Variants in MIPOL1 observed in about 807,000 individuals in gnomAD.
MIPOL1 encodes mirror-image polydactyly 1.
Under a neutral mutation model 60.9 loss-of-function variants are expected in MIPOL1, and 57 were observed. The observed-to-expected ratio is 0.94, with a 90% CI of 0.76 to 1.17. The LOEUF (loss-of-function observed/expected upper bound fraction) is 1.17, where lower values mean the gene tolerates loss of function less well. MIPOL1 is among the 50% of genes most tolerant of loss of function. MIPOL1 has a pLI of 0.00. For missense variants in MIPOL1, 551 were observed against 511.6 expected, an observed-to-expected ratio of 1.08 and a Z score of -0.74; for synonymous variants, 179 against 168.8, an observed-to-expected ratio of 1.06 and a Z score of -0.47.
intron 6 of MIPOL1, among the ~76,000 whole-genome samples, chr14:37,275,132 A>T (rs1474214370): frequency 1.3e-5 from 2 of 151,288 alleles, no homozygotes; most frequent in Non-Finnish European, 3.0e-5. Context: ...AATCTCTAAA[A>T]AAAAGTTAAA....
At chr14:37,495,087 A>C (rs2095101120) in intron 11 of MIPOL1, among the ~76,000 whole-genome samples, 1 of 147,884 alleles carries the variant, frequency 6.8e-6, no homozygotes, top group African/African-American at 2.5e-5. Context: ...AAACTTAATC[A>C]TTGATTCTTT....
chr14:37,215,362 C>G (rs1967462992), intron 1 of MIPOL1, among the ~76,000 whole-genome samples: 1 of 152,028 alleles, frequency 6.6e-6, no homozygotes, highest in Non-Finnish European at 1.5e-5. Flanking sequence ...TTTCTTTTAT[C>G]TCTTTGTCTT....
intron 9 of MIPOL1, among the ~76,000 whole-genome samples, chr14:37,335,853 A>G (rs2090064457): frequency 6.6e-6 from 1 of 152,064 alleles, no homozygotes; most frequent in African/African-American, 2.4e-5. Flanking sequence ...CATTCCATGA[A>G]TTGTCTTCTC....
At chr14:37,458,101 TAATAAA>T (rs1455036984) in intron 11 of MIPOL1, among the ~76,000 whole-genome samples, 1 of 151,792 alleles carries the variant, frequency 6.6e-6, no homozygotes, top group African/African-American at 2.4e-5. Flanking sequence ...CATTATATAA[TAATAAA>T]GAGTTCAACT....
chr14:37,488,160 T>C (rs2094983425), intron 11 of MIPOL1, among the ~76,000 whole-genome samples: 1 of 152,240 alleles, frequency 6.6e-6, no homozygotes, highest in African/African-American at 2.4e-5. Context: ...TCCTGAGTTC[T>C]AATTTGATTG....
intron 10 of MIPOL1, among the ~76,000 whole-genome samples, chr14:37,420,524 A>G (rs1328550442): frequency 1.3e-5 from 2 of 152,202 alleles, no homozygotes; most frequent in African/African-American, 2.4e-5. Context: ...ATAGGATTAT[A>G]TGATATAAAT....
intron 9 of MIPOL1, among the ~76,000 whole-genome samples, chr14:37,339,141 T>C (rs1462446117): frequency 6.6e-6 from 1 of 152,132 alleles, no homozygotes; most frequent in Non-Finnish European, 1.5e-5. Flanking sequence ...AATAAAAAGA[T>C]ACGCAAACAA....
rs1434296313 is a variant in MIPOL1 at position 37,341,849 on chromosome 14, A to G, written c.829-27668A>G. ...TACATACAGTAAAAATTTGTTGACA[A>G]CTGATTTATACTGCTTGAATTTGAA... On this transcript the variant is annotated intron_variant, in intron 9 of 12. Transcript: ENST00000684589. Among the ~76,000 whole-genome samples, 4 of 152,196 alleles carry G rather than the reference A, an allele frequency of 2.6e-5. No homozygotes were observed. The South Asian group carries it at 6.2e-4, about 24-fold the overall frequency.
chr14:37,346,947 G>C (rs924741172), intron 9 of MIPOL1, among the ~76,000 whole-genome samples: 1 of 152,156 alleles, frequency 6.6e-6, no homozygotes, highest in South Asian at 2.1e-4. Context: ...CTTCATATGG[G>C]AGTATAGTGA....
intron 12 of MIPOL1, among the ~76,000 whole-genome samples, chr14:37,510,375 T>C (rs981636290): frequency 2.6e-5 from 4 of 151,908 alleles, no homozygotes; most frequent in Non-Finnish European, 5.9e-5. Flanking sequence ...TCACCACACC[T>C]GGCCAATATT....
At chr14:37,201,335 T>G (rs920983038) in intron 1 of MIPOL1, among the ~76,000 whole-genome samples, 5 of 152,146 alleles carry the variant, frequency 3.3e-5, no homozygotes, top group African/African-American at 1.2e-4. Context: ...TGAATTGTTT[T>G]TACTTCTCCC....
intron 11 of MIPOL1, among the ~76,000 whole-genome samples, chr14:37,428,428 A>G (rs1595733264): frequency 6.6e-6 from 1 of 152,090 alleles, no homozygotes; most frequent in Admixed American, 6.6e-5. Flanking sequence ...CCATCTCTAC[A>G]AAAAATACAA....
chr14:37,222,069 A>C (rs1008964841), intron 1 of MIPOL1, among the ~76,000 whole-genome samples: 1 of 152,212 alleles, frequency 6.6e-6, no homozygotes, highest in Non-Finnish European at 1.5e-5. Flanking sequence ...TTCCTCTCCC[A>C]CTGTGAGTCT....
At chr14:37,422,720 T>TA in intron 10 of MIPOL1, 135 bp from the exon 11 acceptor site, 1 of 597,480 alleles carries the variant, frequency 1.7e-6, no homozygotes, top group South Asian at 2.2e-5. Flanking sequence ...TGGTAACTTA[T>TA]GAGACACTGC....
chr14:37,272,356 AT>A (rs2083360124), intron 6 of MIPOL1, among the ~76,000 whole-genome samples: 1 of 151,642 alleles, frequency 6.6e-6, no homozygotes, highest in African/African-American at 2.4e-5. Context: ...GACTTAAAGT[AT>A]TTTTCCTATA....
chr14:37,427,561 A>G (rs890316444), intron 11 of MIPOL1, among the ~76,000 whole-genome samples: 1 of 152,210 alleles, frequency 6.6e-6, no homozygotes. Flanking sequence ...TGATTAAAAT[A>G]GTAAATTTTA....
At chr14:37,206,213 T>G (rs1327863847) in intron 1 of MIPOL1, among the ~76,000 whole-genome samples, 1 of 152,102 alleles carries the variant, frequency 6.6e-6, no homozygotes, top group Admixed American at 6.5e-5. Context: ...AGGGTCCCCA[T>G]GCTATGTCCA....
intron 12 of MIPOL1, among the ~76,000 whole-genome samples, chr14:37,541,477 GA>G (rs903649530): frequency 1.4e-4 from 22 of 152,252 alleles, no homozygotes; most frequent in African/African-American, 4.3e-4. Flanking sequence ...GCTGATGGGG[GA>G]AAAAATTATA....
chr14:37,443,613 A>T (rs2094285873), intron 11 of MIPOL1, among the ~76,000 whole-genome samples: 1 of 151,952 alleles, frequency 6.6e-6, no homozygotes, highest in African/African-American at 2.4e-5. Context: ...CTTAACACAA[A>T]CATTTTCAGA....
Sources: gnomAD v4.1 joint callset for allele counts (sites outside exome capture counted in the v4.1 genomes callset) on GRCh38, gnomAD v4.1.1 for gene constraint, MANE v1.5 for transcripts, NCBI Gene and HGNC (gene_info 2026-07-23, HGNC 2026-07-21) for gene names.